The following NOC3L variants were observed in gnomAD, a reference collection of about 807,000 sequenced individuals.
NOC3L encodes nucleolar complex protein 3 homolog.
A neutral mutation model predicts 102.5 loss-of-function variants in NOC3L; 85 were observed. That is an observed-to-expected ratio of 0.83 (90% CI 0.70 to 0.99). The LOEUF (loss-of-function observed/expected upper bound fraction) is 0.99. Among genes scored for constraint, NOC3L ranks in the 50% least tolerant of loss-of-function variants. The pLI is 0.00. For missense variants in NOC3L, 878 were observed against 914.9 expected (o/e 0.96, Z 0.52); for synonymous variants, 303 against 309.4 (o/e 0.98, Z 0.22).
In NOC3L at chr10:94,339,782, T is replaced by C; in HGVS notation, c.1919A>G (p.Asn640Ser). 2.5e-6 allele frequency: 4 copies of C among 1,614,086 alleles called. No homozygotes were observed. The highest frequency in any genetic ancestry group is 3.4e-6 in the Non-Finnish European group (4 of 1,179,992). Residue 640 changes from asparagine (N) to serine (S), a missense_variant, in exon 17 of 21, where the codon AAT becomes AGT. Transcript: ENST00000371361. ...AGTTGCTAAAATGCCAATACTTGAATTTGGAAGAACATGAAGAGCAAGGGT... is the reference window on the plus strand; with the variant it reads ...AGTTGCTAAAATGCCAATACTTGAACTTGGAAGAACATGAAGAGCAAGGGT... The part of the protein sequence containing the change: ...LCTLALHVLP[N>S]SSIGILATTR...
intron 3 of NOC3L, 68 bp downstream of exon 3, chr10:94,358,015 G>C: frequency 2.0e-6 from 2 of 982,428 alleles, no homozygotes; most frequent in Non-Finnish European, 3.2e-6. Context: ...AACCACCTAA[G>C]TGAAATTCAG....
At position 94,340,367 on chromosome 10, in the gene NOC3L, A is replaced by G. The variant is rs370148492; in HGVS notation, c.1709-20T>C. 4 of 1,611,110 alleles carry G rather than the reference A, an allele frequency of 2.5e-6. No homozygotes were observed. Among genetic ancestry groups the G allele is most frequent in the Non-Finnish European group, 3.4e-6 (4 of 1,177,984 alleles). ...CATCACCTTTGAAATGACAACAAAC[A>G]CCAATTAGGTATGTTATAGCATTCA... On this transcript the variant is annotated intron_variant, in intron 15 of 20. Coordinates refer to ENST00000371361, the MANE Select transcript of NOC3L (RefSeq NM_022451.11).
Position 94,338,851 on chromosome 10 carries a change from T to G in NOC3L, c.1963-115A>C, listed in dbSNP as rs1433337109. The G allele has an allele frequency of 1.2e-5, 10 of 832,046 alleles. No individual in the cohort carries two copies. In the Admixed American group the frequency reaches 2.3e-4, roughly 19 times the overall value. The allele number at this position is 832,046 out of a possible 1,614,324, so 51.5% of individuals were successfully genotyped here. A position where few individuals can be genotyped will look rare whatever the true frequency, so the allele number is the denominator to read the frequency against. On this transcript the variant is annotated intron_variant, in intron 17 of 20. Transcript: ENST00000371361. ...TTTATGGTTGTATAAGAGCTTTGCA[T>G]AAAGTCTTTACACCTAGATTTAATA...
At chr10:94,322,188 T>A in the NOC3L span, 1 of 881,868 alleles carries the variant, frequency 1.1e-6, no homozygotes, top group Middle Eastern at 2.2e-4. Flanking sequence ...GGGGAGTGTG[T>A]GCCTCTTAAG....
chr10:94,319,886 T>TTTTTTTTTTTTTTA, the NOC3L span, among the ~76,000 whole-genome samples: 1 of 142,818 alleles, frequency 7.0e-6, no homozygotes, highest in Non-Finnish European at 1.5e-5. Context: ...TTTTTTTTTT[T>TTTTTTTTTTTTTTA]TGAGATGGAG....
intron 18 of NOC3L, among the ~76,000 whole-genome samples, chr10:94,338,258 GC>G (rs1171690616): frequency 6.6e-6 from 1 of 152,128 alleles, no homozygotes; most frequent in African/African-American, 2.4e-5. Flanking sequence ...TTGAAACAGG[GC>G]TTACTAAAGT....
At chr10:94,334,366 G>T in intron 20 of NOC3L, 61 bp from the exon 21 acceptor site, 1 of 1,082,904 alleles carries the variant, frequency 9.2e-7, no homozygotes, top group Non-Finnish European at 1.4e-6. Flanking sequence ...AAGCCAACCT[G>T]TGAACCAAGT....
At chr10:94,350,632 C>A (rs1332155329) in intron 8 of NOC3L, among the ~76,000 whole-genome samples, 1 of 150,134 alleles carries the variant, frequency 6.7e-6, no homozygotes, top group Non-Finnish European at 1.5e-5. Context: ...GCAGGGGAAT[C>A]ACTTGAACCT....
At chr10:94,327,618 G>A in the NOC3L span, among the ~76,000 whole-genome samples, 1 of 152,096 alleles carries the variant, frequency 6.6e-6, no homozygotes, top group South Asian at 2.1e-4. Context: ...CCCTTTTAAA[G>A]TTTCAATAAT....
intron 18 of NOC3L, among the ~76,000 whole-genome samples, 198 bp downstream of exon 18, chr10:94,338,410 T>C (rs1414124683): frequency 6.6e-6 from 1 of 152,190 alleles, no homozygotes; most frequent in Non-Finnish European, 1.5e-5. Flanking sequence ...TTCTGCTTCC[T>C]TAGAAAATGT....
the NOC3L span, among the ~76,000 whole-genome samples, chr10:94,318,922 C>A: frequency 3.3e-5 from 5 of 152,158 alleles, no homozygotes; most frequent in Admixed American, 3.3e-4. Context: ...GTAGCAGGCA[C>A]CTGTAGTCCC....
At chr10:94,316,502 T>A in the NOC3L span, 14 of 1,250,852 alleles carry the variant, frequency 1.1e-5, no homozygotes, top group Non-Finnish European at 1.5e-5. Flanking sequence ...TGATTTGTTT[T>A]AAGTTTTTGC....
chr10:94,352,745 C>T, intron 7 of NOC3L, 151 bp downstream of exon 7: 2 of 657,802 alleles, frequency 3.0e-6, no homozygotes, highest in South Asian at 3.8e-5. Flanking sequence ...TCACTTGAAC[C>T]CGGAAGGCAG....
chr10:94,340,762 A>G (rs917729157), intron 14 of NOC3L, among the ~76,000 whole-genome samples: 2 of 152,032 alleles, frequency 1.3e-5, no homozygotes, highest in Non-Finnish European at 2.9e-5. Context: ...CGGGCAGATC[A>G]CGAGGTCAGG....
At position 94,349,270 on chromosome 10, in the gene NOC3L, T is replaced by A. The variant is rs1449875367; in HGVS notation, c.1237A>T (p.Asn413Tyr). 5 of 1,577,328 alleles carry A rather than the reference T, an allele frequency of 3.2e-6. No homozygotes were observed. The highest frequency in any genetic ancestry group is 4.3e-6 in the Non-Finnish European group (5 of 1,169,206). The change falls in exon 10 of 21, where the codon AAT becomes TAT. Residue 413 changes from asparagine to tyrosine, a missense_variant. By Grantham distance (143) the Asn-to-Tyr change is moderately radical. Coordinates refer to ENST00000371361, the MANE Select transcript of NOC3L (RefSeq NM_022451.11). ...CTCACCTCTGGCCTAACTTCGTAAT[T>A]TCTGCCCTTCACAAAACCAGAAATC... ...KVISGFVKGR[N>Y]YEVRPEMLKT...
At chr10:94,350,344 G>A (rs1159094020) in intron 8 of NOC3L, 56 bp from the exon 9 acceptor site, 1 of 1,487,270 alleles carries the variant, frequency 6.7e-7, no homozygotes, top group African/African-American at 1.4e-5. Context: ...TAAACTAATT[G>A]GCTTTCTTTT....
At chr10:94,327,841 A>G in the NOC3L span, 1 of 328,434 alleles carries the variant, frequency 3.0e-6, no homozygotes. Context: ...GTACAGAGGA[A>G]ACAGTCTCTT....
At chr10:94,357,511 T>G in intron 3 of NOC3L, 180 bp from the exon 4 acceptor site, 2 of 407,824 alleles carry the variant, frequency 4.9e-6, no homozygotes, top group Non-Finnish European at 4.2e-6. Context: ...ATAAAAGAAA[T>G]GGGTAAACAA....
intron 6 of NOC3L, among the ~76,000 whole-genome samples, chr10:94,353,906 G>A (rs1207435349): frequency 6.6e-6 from 1 of 152,148 alleles, no homozygotes; most frequent in African/African-American, 2.4e-5. Context: ...TTTCTATGAT[G>A]GTTTCGACTG....
Sources: gnomAD v4.1 joint callset for allele counts (sites outside exome capture counted in the v4.1 genomes callset) on GRCh38, gnomAD v4.1.1 for gene constraint, MANE v1.5 for transcripts, NCBI Gene and HGNC (gene_info 2026-07-23, HGNC 2026-07-21) for gene names.